Variants in LIG1 observed in about 807,000 individuals in gnomAD.
LIG1 encodes ligase I, DNA, ATP-dependent.
In LIG1, 70 loss-of-function variants were observed where a neutral mutation model predicts 115.7. The ratio of observed to expected loss-of-function variants is 0.60; its 90% CI spans 0.50 to 0.74. The LOEUF (loss-of-function observed/expected upper bound fraction) is 0.74, where lower values mean the gene tolerates loss of function less well. Among genes scored for constraint, LIG1 ranks in the 30% least tolerant of loss-of-function variants. The pLI is 0.00. For missense variants in LIG1, 1,115 were observed against 1,225.6 expected, an observed-to-expected ratio of 0.91 and a Z score of 1.35; for synonymous variants, 487 against 495.3, an observed-to-expected ratio of 0.98 and a Z score of 0.22.
chr19:48,123,303 G>A lies in LIG1; in HGVS notation c.2020C>T (p.Pro674Ser). The change falls in exon 22 of 28, where the codon CCC becomes TCC. Residue 674 changes from proline to serine, a missense_variant. By Grantham distance (74) the Pro-to-Ser change is moderately conservative. Transcript: ENST00000263274. Reference sequence around the variant, plus strand: ...AGCAGCTGCCGGCGCCGGGAAAGGGGCTCACGTACCAGGGACTGCAGGGCC... The same window carrying A: ...AGCAGCTGCCGGCGCCGGGAAAGGGACTCACGTACCAGGGACTGCAGGGCC... Reference protein sequence around the residue: ...YLNGESLVREPLSRRRQLLRE... With the variant: ...YLNGESLVRESLSRRRQLLRE... 1 of 1,613,546 alleles carries A rather than the reference G, an allele frequency of 6.2e-7. No individual in the cohort carries two copies. Among genetic ancestry groups the A allele is most frequent in the Non-Finnish European group, 8.5e-7 (1 of 1,179,936 alleles).
chr19:48,140,177 T>C (rs2034650937), intron 11 of LIG1, 34 bp from the exon 12 acceptor site: 13 of 1,589,588 alleles, frequency 8.2e-6, no homozygotes, highest in African/African-American at 1.3e-5. Context: ...AACACGTGGT[T>C]CCTCAAGGTC....
rs757186671 is a variant in LIG1, at chr19:48,137,798, G to C, written c.1088-110C>G. On this transcript the variant is annotated intron_variant, in intron 12 of 27. Coordinates refer to ENST00000263274, the MANE Select transcript of LIG1 (RefSeq NM_000234.3). The surrounding 1 kb of genome is among the most constrained non-coding windows in gnomAD (Gnocchi z 4.3). ...CTCCAGCTGTGTGTGCTTGTGGCGAGTCCCTGCACCTCCCTGTGTCTAACG... is the reference window on the plus strand; with the variant it reads ...CTCCAGCTGTGTGTGCTTGTGGCGACTCCCTGCACCTCCCTGTGTCTAACG... The C allele has an allele frequency of 8.5e-5, 114 of 1,347,414 alleles. No homozygotes were observed. In the African/African-American group the frequency reaches 1.4e-3, roughly 17 times the overall value. The allele number at this position is 1,347,414 out of a possible 1,614,324, so 83.5% of individuals were successfully genotyped here. A position where few individuals can be genotyped will look rare whatever the true frequency, so the allele number is the denominator to read the frequency against.
chr19:48,132,362 C>G (rs1197880317), intron 18 of LIG1, among the ~76,000 whole-genome samples: 2 of 152,152 alleles, frequency 1.3e-5, no homozygotes, highest in Non-Finnish European at 2.9e-5. Flanking sequence ...GTCATGTAGG[C>G]ACCTCCCAGA....
chr19:48,169,259 C>T (rs2036639971), intron 1 of LIG1, among the ~76,000 whole-genome samples: 2 of 152,102 alleles, frequency 1.3e-5, no homozygotes, highest in South Asian at 2.1e-4. Context: ...ATGGGGGTTA[C>T]ACAAATCTAT....
intron 14 of LIG1, among the ~76,000 whole-genome samples, chr19:48,136,362 G>A (rs1293534071): frequency 6.6e-6 from 1 of 152,190 alleles, no homozygotes; most frequent in African/African-American, 2.4e-5. Flanking sequence ...GCACAAGTAG[G>A]TGCACCAGCA....
At chr19:48,120,612 C>A (rs1033592583) in intron 24 of LIG1, 58 of 955,550 alleles carry the variant, frequency 6.1e-5, no homozygotes, top group Admixed American at 2.5e-4. Flanking sequence ...GAATTCCTTG[C>A]AGCTAGGGGT....
At chr19:48,118,670 C>G (rs1033741686) in intron 25 of LIG1, among the ~76,000 whole-genome samples, 1 of 148,330 alleles carries the variant, frequency 6.7e-6, no homozygotes, top group South Asian at 2.1e-4. Flanking sequence ...TCCCAAGTAG[C>G]TGGGACCACA....
At chr19:48,119,275 TG>T in intron 24 of LIG1, 85 bp from the exon 25 acceptor site, 1 of 1,077,796 alleles carries the variant, frequency 9.3e-7, no homozygotes, top group Non-Finnish European at 1.4e-6. Context: ...TGTACACTCA[TG>T]GCCCCCACCC....
intron 2 of LIG1, 73 bp from the exon 3 acceptor site, chr19:48,162,424 T>C (rs989061367): frequency 1.1e-6 from 1 of 937,962 alleles, no homozygotes; most frequent in Non-Finnish European, 1.6e-6. Context: ...TGCTGTATCC[T>C]ATAACTTCCT....
intron 18 of LIG1, 125 bp from the exon 19 acceptor site, chr19:48,131,296 G>C (rs2034009467): frequency 4.3e-6 from 3 of 703,782 alleles, no homozygotes; most frequent in Non-Finnish European, 7.7e-6. Context: ...CTGGTGCAGA[G>C]ACTTGAGCGA....
At chr19:48,156,907 C>T in intron 5 of LIG1, 107 bp downstream of exon 5, 1 of 1,087,482 alleles carries the variant, frequency 9.2e-7, no homozygotes, top group Non-Finnish European at 1.3e-6. Context: ...CCACTGCACT[C>T]CAGCCTAGGC....
Position 48,137,460 on chromosome 19 carries a change from C to T in LIG1, c.1254+62G>A. The T allele has an allele frequency of 6.3e-7, 1 of 1,593,804 alleles. No homozygotes were observed. The highest frequency in any genetic ancestry group is 8.5e-7 in the Non-Finnish European group (1 of 1,174,598). On this transcript the variant is annotated intron_variant, in intron 13 of 27. Coordinates refer to ENST00000263274, the MANE Select transcript of LIG1 (RefSeq NM_000234.3). This position sits in a 1 kb window ranked among gnomAD's most constrained non-coding sequence, Gnocchi z 4.3. ...GGTCTACCCAGAAGCCTTCCTGACA[C>T]ACGCGTGGCCTCAGGTCCCCAAGAT...
chr19:48,159,360 A>G (rs274863), intron 4 of LIG1, among the ~76,000 whole-genome samples: 96,044 of 152,158 alleles, frequency 0.63, 32,132 homozygotes, highest in East Asian at 0.86. Flanking sequence ...GTGAGCCATC[A>G]TGCCTGGCCA....
At chr19:48,121,755 C>T (rs984510163) in intron 23 of LIG1, among the ~76,000 whole-genome samples, 2 of 152,126 alleles carry the variant, frequency 1.3e-5, no homozygotes, top group African/African-American at 2.4e-5. Flanking sequence ...GAGCCAAGAT[C>T]GTGCCATTGC....
chr19:48,140,592 G>C (rs1443876173), intron 11 of LIG1, among the ~76,000 whole-genome samples: 2 of 152,080 alleles, frequency 1.3e-5, no homozygotes, highest in Non-Finnish European at 2.9e-5. Flanking sequence ...TAGGTTTAGG[G>C]GTCACGCAGC....
At chr19:48,138,944 A>C (rs1457951845) in intron 12 of LIG1, among the ~76,000 whole-genome samples, 2 of 151,908 alleles carry the variant, frequency 1.3e-5, no homozygotes, top group Non-Finnish European at 2.9e-5. Context: ...TAAGCCCGTA[A>C]CTCTTTCCTG....
chr19:48,123,393 G>C, intron 21 of LIG1, 75 bp from the exon 22 acceptor site: 1 of 1,543,988 alleles, frequency 6.5e-7, no homozygotes. Context: ...AATGTGAGGC[G>C]AACAGGACAT....
intron 1 of LIG1, among the ~76,000 whole-genome samples, chr19:48,166,653 C>CCACA (rs2036498647): frequency 6.6e-6 from 1 of 152,004 alleles, no homozygotes; most frequent in African/African-American, 2.4e-5. Context: ...ACTGGGGCTT[C>CCACA]CACAGTTTAG....
rs1178979913 is a variant in LIG1 at position 48,122,250 on chromosome 19, AG to A, written c.2232+683del. 6.4e-6 allele frequency: 1 copy of A among 155,336 alleles called. No individual in the cohort carries two copies. The highest frequency in any genetic ancestry group is 1.4e-5 in the Non-Finnish European group (1 of 70,022). 9.6% of individuals were successfully genotyped at this position (155,336 alleles called of 1,614,324 possible). On this transcript the variant is annotated intron_variant, in intron 23 of 27. Coordinates refer to ENST00000263274, the MANE Select transcript of LIG1 (RefSeq NM_000234.3). This position sits in a 1 kb window ranked among gnomAD's most constrained non-coding sequence, Gnocchi z 4.3. Reference sequence around the variant, plus strand: ...CCTCAACACACCCGTCCTCCACTCGAGGGGAAACCCCAGGAGCTTCGCACAA... The same window carrying A: ...CCTCAACACACCCGTCCTCCACTCGAGGGAAACCCCAGGAGCTTCGCACAA...
Sources: allele counts gnomAD v4.1 joint callset (sites outside exome capture counted in the v4.1 genomes callset), GRCh38; gene constraint gnomAD v4.1.1; non-coding constraint Gnocchi (gnomAD v3.1); transcripts MANE v1.5; gene names NCBI Gene and HGNC (gene_info 2026-07-23, HGNC 2026-07-21).